The following TENM3 variants were observed in gnomAD, a reference collection of about 807,000 sequenced individuals.
The protein encoded by TENM3 is teneurin-3.
TENM3 carries 63 observed loss-of-function variants against 255.1 expected under a neutral mutation model. That is an observed-to-expected ratio of 0.25 (90% CI 0.20 to 0.30). TENM3 has a LOEUF of 0.30. Among genes scored for constraint, TENM3 ranks in the 10% least tolerant of loss-of-function variants. TENM3 has a pLI of 1.00. For missense variants in TENM3, 2,929 were observed against 3,461.1 expected (o/e 0.85, Z 3.86); for synonymous variants, 1,306 against 1,322.3 (o/e 0.99, Z 0.27).
At chr4:182,035,663 T>C in the TENM3 span, among the ~76,000 whole-genome samples, 1,957 of 152,278 alleles carry the variant, frequency 0.013, 45 homozygotes, top group African/African-American at 0.044. Context: ...AACTGTTGTA[T>C]CAGCAGTTCT....
the TENM3 span, among the ~76,000 whole-genome samples, chr4:181,867,995 T>C: frequency 6.6e-6 from 1 of 152,240 alleles, no homozygotes; most frequent in Non-Finnish European, 1.5e-5. Flanking sequence ...CTGTTATTTC[T>C]TCCAGACATC....
chr4:182,408,738 A>G (rs534659637), intron 3 of TENM3, among the ~76,000 whole-genome samples: 2 of 152,252 alleles, frequency 1.3e-5, no homozygotes, highest in Non-Finnish European at 2.9e-5. Flanking sequence ...GATTCCGTGT[A>G]GATGAAATAG....
intron 11 of TENM3, among the ~76,000 whole-genome samples, chr4:182,687,165 G>A (rs1756645081): frequency 6.6e-6 from 1 of 152,080 alleles, no homozygotes; most frequent in Admixed American, 6.5e-5. Flanking sequence ...TTTTCTGTTT[G>A]TTAGAAATGA....
At chr4:181,757,042 A>T in the TENM3 span, among the ~76,000 whole-genome samples, 1 of 152,170 alleles carries the variant, frequency 6.6e-6, no homozygotes, top group Admixed American at 6.6e-5. Flanking sequence ...TTGCTGTAAG[A>T]ATAGGTTACA....
chr4:181,553,608 AT>A, the TENM3 span, among the ~76,000 whole-genome samples: 3 of 151,514 alleles, frequency 2.0e-5, no homozygotes, highest in East Asian at 2.0e-4. Flanking sequence ...CGCCCGGCTA[AT>A]TTTTTGTATT....
chr4:182,710,622 C>T (rs894788115), intron 12 of TENM3, among the ~76,000 whole-genome samples: 3 of 152,176 alleles, frequency 2.0e-5, no homozygotes, highest in African/African-American at 7.2e-5. Flanking sequence ...ACAGAACCAC[C>T]ACACCTGAGT....
chr4:181,841,114 G>GA, the TENM3 span, among the ~76,000 whole-genome samples: 1 of 152,140 alleles, frequency 6.6e-6, no homozygotes, highest in East Asian at 1.9e-4. Flanking sequence ...ATTCTTATGG[G>GA]ATGTAGATAT....
chr4:182,410,997 C>A (rs1442923161), intron 3 of TENM3, among the ~76,000 whole-genome samples: 1 of 152,170 alleles, frequency 6.6e-6, no homozygotes, highest in African/African-American at 2.4e-5. Context: ...CATATTTCCT[C>A]CCTTGTCATT....
intron 7 of TENM3, among the ~76,000 whole-genome samples, chr4:182,673,530 T>G (rs189347903): frequency 9.5e-4 from 144 of 152,336 alleles, no homozygotes; most frequent in Non-Finnish European, 1.8e-3. Flanking sequence ...ACAAAGATTC[T>G]ATGATAATTT....
chr4:181,728,183 A>G, the TENM3 span, among the ~76,000 whole-genome samples: 2 of 152,214 alleles, frequency 1.3e-5, no homozygotes, highest in Non-Finnish European at 2.9e-5. Context: ...TATTAATATC[A>G]TCTAGGTGTG....
At chr4:181,972,310 T>C in the TENM3 span, among the ~76,000 whole-genome samples, 1 of 151,678 alleles carries the variant, frequency 6.6e-6, no homozygotes, top group African/African-American at 2.4e-5. Context: ...TCCCAGCTAC[T>C]TGGGATGCTC....
intron 1 of TENM3, among the ~76,000 whole-genome samples, chr4:182,297,007 C>T (rs561201648): frequency 2.0e-5 from 3 of 152,278 alleles, no homozygotes; most frequent in Non-Finnish European, 2.9e-5. Flanking sequence ...AGAGATTATT[C>T]GCATCTTACA....
chr4:182,452,074 C>T (rs1014606330), intron 3 of TENM3, among the ~76,000 whole-genome samples: 1 of 152,164 alleles, frequency 6.6e-6, no homozygotes, highest in African/African-American at 2.4e-5. Flanking sequence ...ATTTCTTACT[C>T]TGTGAAAATC....
At chr4:181,499,069 T>C in the TENM3 span, among the ~76,000 whole-genome samples, 1 of 152,342 alleles carries the variant, frequency 6.6e-6, no homozygotes, top group Non-Finnish European at 1.5e-5. Context: ...TAATGCTATT[T>C]CATCTTGTTG....
At chr4:181,857,600 A>C in the TENM3 span, among the ~76,000 whole-genome samples, 2 of 99,166 alleles carry the variant, frequency 2.0e-5, no homozygotes, top group African/African-American at 1.7e-4. Context: ...AAAAAAAAAA[A>C]CAAACACATT....
At chr4:182,421,216 G>A (rs1259136642) in intron 3 of TENM3, among the ~76,000 whole-genome samples, 2 of 151,922 alleles carry the variant, frequency 1.3e-5, no homozygotes, top group African/African-American at 2.4e-5. Context: ...CTTCACCCTC[G>A]TCATCACCCT....
intron 3 of TENM3, among the ~76,000 whole-genome samples, chr4:182,395,415 G>A (rs1054081586): frequency 1.3e-5 from 2 of 152,136 alleles, no homozygotes. Context: ...ATAAAAATTA[G>A]TTTGGGTAAA....
the TENM3 span, among the ~76,000 whole-genome samples, chr4:182,129,126 T>C: frequency 6.6e-6 from 1 of 152,224 alleles, no homozygotes; most frequent in East Asian, 1.9e-4. Flanking sequence ...GTGCAAAGTA[T>C]ATGACTATTA....
At chr4:181,540,407 A>C in the TENM3 span, among the ~76,000 whole-genome samples, 1 of 152,134 alleles carries the variant, frequency 6.6e-6, no homozygotes, top group East Asian at 1.9e-4. Context: ...CATTACAGAG[A>C]TCAAGCACAT....
Sources: allele counts gnomAD v4.1 joint callset (sites outside exome capture counted in the v4.1 genomes callset), GRCh38; gene constraint gnomAD v4.1.1; transcripts MANE v1.5; gene names NCBI Gene and HGNC (gene_info 2026-07-23, HGNC 2026-07-21).